C2CD3: variants seen among roughly 807,000 people sequenced by gnomAD.
The protein encoded by C2CD3 is C2 domain-containing protein 3.
In C2CD3, 148 loss-of-function variants were observed where a neutral mutation model predicts 234.0. The observed-to-expected ratio is 0.63, with a 90% CI of 0.55 to 0.72. The LOEUF (loss-of-function observed/expected upper bound fraction) is 0.72. Among genes scored for constraint, C2CD3 ranks in the 30% least tolerant of loss-of-function variants. The pLI, the probability that C2CD3 is intolerant of heterozygous loss-of-function variation, is 0.00. For missense variants in C2CD3, 2,577 were observed against 2,811.5 expected (o/e 0.92, Z 1.89); for synonymous variants, 1,000 against 1,035.4 (o/e 0.97, Z 0.66).
chr11:74,103,508 C>T lies in C2CD3; in HGVS notation c.2203G>A (p.Glu735Lys). 2.5e-6 allele frequency: 4 copies of T among 1,614,144 alleles called. No individual in the cohort carries two copies. Among genetic ancestry groups the T allele is most frequent in the East Asian group, 4.5e-5 (2 of 44,892 alleles). Reference sequence around the variant, plus strand: ...GTACAGGTCATATCTTGGTTAAGTTCTGGTAGTGCCTTATTTGGACTTGTA... The same window carrying T: ...GTACAGGTCATATCTTGGTTAAGTTTTGGTAGTGCCTTATTTGGACTTGTA... ...APTSPNKALP[E>K]LNQDMTCTKN... The change falls in exon 14 of 33, where the codon GAA (glutamate) becomes AAA (lysine). Residue 735 changes from glutamate to lysine, a missense_variant. By Grantham distance (56) the Glu-to-Lys change is moderately conservative (BLOSUM62 1). Transcript: ENST00000334126.
chr11:74,079,870 GAATATTATAT>G (rs1385976507), intron 22 of C2CD3, among the ~76,000 whole-genome samples: 1 of 151,958 alleles, frequency 6.6e-6, no homozygotes, highest in Non-Finnish European at 1.5e-5. Context: ...TACATAAACT[GAATATTATAT>G]AATATTATAT....
At chr11:74,158,803 ATC>A (rs1423327663) in intron 3 of C2CD3, among the ~76,000 whole-genome samples, 2 of 152,220 alleles carry the variant, frequency 1.3e-5, no homozygotes, top group African/African-American at 4.8e-5. Flanking sequence ...ACAATGAGAT[ATC>A]GTCTCACTCC....
Position 74,170,989 on chromosome 11 carries a change from C to G in C2CD3, c.-197G>C. On this transcript the variant is annotated 5_prime_UTR_variant, in exon 1 of 33. Coordinates refer to ENST00000334126, the MANE Select transcript of C2CD3 (RefSeq NM_001286577.2). Reference sequence around the variant, plus strand: ...AAGAGAAGGCGCCAAGACGCCTTCCCTCCAATACACTACAATACCCAGGAC... The same window carrying G: ...AAGAGAAGGCGCCAAGACGCCTTCCGTCCAATACACTACAATACCCAGGAC... The G allele has an allele frequency of 1.6e-6, 2 of 1,265,432 alleles. No homozygotes were observed. Among genetic ancestry groups the G allele is most frequent in the Non-Finnish European group, 2.2e-6 (2 of 916,634 alleles). 78.4% of individuals were successfully genotyped at this position (1,265,432 alleles called of 1,614,324 possible).
chr11:74,119,450 A>T (rs897529661), intron 8 of C2CD3, among the ~76,000 whole-genome samples: 9 of 152,116 alleles, frequency 5.9e-5, no homozygotes, highest in Non-Finnish European at 1.0e-4. Context: ...TTCCATTTTT[A>T]AAAAAAGACA....
intron 5 of C2CD3, among the ~76,000 whole-genome samples, chr11:74,136,163 T>G (rs1054109549): frequency 7.2e-5 from 11 of 152,182 alleles, no homozygotes; most frequent in African/African-American, 2.7e-4. Flanking sequence ...ACTTGATAAT[T>G]TAACCCCATC....
intron 3 of C2CD3, among the ~76,000 whole-genome samples, chr11:74,145,811 C>T (rs1855144175): frequency 1.3e-5 from 2 of 152,064 alleles, no homozygotes; most frequent in Admixed American, 6.6e-5. Context: ...AAGTCCTTTC[C>T]CCCAAATTTT....
In C2CD3 at chr11:74,164,077, T is replaced by C. The variant is rs1312829339; in HGVS notation, c.326-2521A>G. 5 of 537,474 alleles carry C rather than the reference T, an allele frequency of 9.3e-6. No individual in the cohort carries two copies. The South Asian group carries it at 3.3e-4, about 36-fold the overall frequency. The allele number at this position is 537,474 out of a possible 1,614,324, so 33.3% of individuals were successfully genotyped here. A position where few individuals can be genotyped will look rare whatever the true frequency, so the allele number is the denominator to read the frequency against. ...CAGTTCTATCCAATTATAAGTCCACTACACTTAATTATAAGTCCACTACAC... is the reference window on the plus strand; with the variant it reads ...CAGTTCTATCCAATTATAAGTCCACCACACTTAATTATAAGTCCACTACAC... On this transcript the variant is annotated intron_variant, in intron 2 of 32. Coordinates refer to ENST00000334126, the MANE Select transcript of C2CD3 (RefSeq NM_001286577.2).
chr11:74,074,252 C>A lies in C2CD3; in HGVS notation c.4951+1G>T, dbSNP rs863225151. On this transcript the variant is annotated splice_donor_variant, in intron 24 of 32. Transcript: ENST00000334126. LOFTEE classifies it high-confidence loss of function. Reference sequence around the variant, plus strand: ...CTCCTGGGTAGGTGAGGAGAGCATACCTTTCAAGCTCAAGTGCATTGCTCT... The same window carrying A: ...CTCCTGGGTAGGTGAGGAGAGCATAACTTTCAAGCTCAAGTGCATTGCTCT... 1.9e-6 allele frequency: 3 copies of A among 1,608,320 alleles called. No homozygotes were observed. Among genetic ancestry groups the A allele is most frequent in the South Asian group, 1.1e-5 (1 of 90,554 alleles).
intron 28 of C2CD3, among the ~76,000 whole-genome samples, chr11:74,043,509 A>AT (rs145799013): frequency 0.075 from 11,356 of 152,232 alleles, 1,378 homozygotes; most frequent in African/African-American, 0.26. Flanking sequence ...TAGAAGCAGA[A>AT]TTACTGGGTC....
At chr11:74,107,156 C>T (rs191772859) in intron 12 of C2CD3, among the ~76,000 whole-genome samples, 1 of 152,202 alleles carries the variant, frequency 6.6e-6, no homozygotes, top group East Asian at 1.9e-4. Context: ...ACCCCCGTCT[C>T]TACTAAAAAT....
intron 28 of C2CD3, among the ~76,000 whole-genome samples, chr11:74,046,944 A>G (rs1384637852): frequency 6.6e-6 from 1 of 152,234 alleles, no homozygotes; most frequent in Non-Finnish European, 1.5e-5. Flanking sequence ...TAATGTATAT[A>G]AAGTCCATAT....
At chr11:74,054,922 A>C (rs1035316564) in intron 25 of C2CD3, among the ~76,000 whole-genome samples, 4 of 152,168 alleles carry the variant, frequency 2.6e-5, no homozygotes, top group Non-Finnish European at 4.4e-5. Context: ...ACCACTCCCA[A>C]AGTTTCCCTA....
At chr11:74,119,927 C>T (rs890454187) in intron 8 of C2CD3, among the ~76,000 whole-genome samples, 1 of 152,030 alleles carries the variant, frequency 6.6e-6, no homozygotes, top group Non-Finnish European at 1.5e-5. Context: ...TGAGCCACCA[C>T]ACCACCACAA....
Position 74,049,342 on chromosome 11 carries a change from A to AT in C2CD3, c.5355dup (p.Ser1786IlefsTer15). Reference sequence around the variant, plus strand: ...ATGTGAATCTCCATACATACCAGTGATTTTGAGGTCTCCACTCCACGCCTT... The same window carrying AT: ...ATGTGAATCTCCATACATACCAGTGATTTTTGAGGTCTCCACTCCACGCCTT... On this transcript the variant is annotated frameshift_variant, in exon 27 of 33. Coordinates refer to ENST00000334126, the MANE Select transcript of C2CD3 (RefSeq NM_001286577.2). LOFTEE classifies it high-confidence loss of function. 6.2e-7 allele frequency: 1 copy of AT among 1,613,826 alleles called. No individual in the cohort carries two copies. The highest frequency in any genetic ancestry group is 8.5e-7 in the Non-Finnish European group (1 of 1,179,682).
chr11:74,028,467 C>CACTG (rs1952395364), intron 31 of C2CD3, 69 bp from the exon 32 acceptor site: 2 of 914,088 alleles, frequency 2.2e-6, no homozygotes, highest in Non-Finnish European at 3.3e-6. Flanking sequence ...CCAGCATCTC[C>CACTG]ACTGACCATT....
intron 3 of C2CD3, among the ~76,000 whole-genome samples, chr11:74,149,638 T>A (rs1486629429): frequency 1.3e-5 from 2 of 151,948 alleles, no homozygotes; most frequent in African/African-American, 4.8e-5. Context: ...AGCCTTAGCA[T>A]ATACTCCAAT....
intron 3 of C2CD3, among the ~76,000 whole-genome samples, chr11:74,160,789 T>C (rs1157587221): frequency 6.6e-6 from 1 of 152,200 alleles, no homozygotes; most frequent in Non-Finnish European, 1.5e-5. Context: ...ATGATGGATA[T>C]GCTAATTACC....
At chr11:74,028,205 G>A in intron 32 of C2CD3, 82 bp downstream of exon 32, 1 of 981,132 alleles carries the variant, frequency 1.0e-6, no homozygotes, top group Non-Finnish European at 1.5e-6. Flanking sequence ...AAGATGACCT[G>A]GGGCAGCTCT....
At chr11:74,021,134 C>T (rs1044172457) in intron 32 of C2CD3, among the ~76,000 whole-genome samples, 1 of 152,044 alleles carries the variant, frequency 6.6e-6, no homozygotes, top group Non-Finnish European at 1.5e-5. Context: ...AACTAGAGTC[C>T]CAGCTACTCA....
Sources: gnomAD v4.1 joint callset for allele counts (sites outside exome capture counted in the v4.1 genomes callset) on GRCh38, gnomAD v4.1.1 for gene constraint, MANE v1.5 for transcripts, NCBI Gene and HGNC (gene_info 2026-07-23, HGNC 2026-07-21) for gene names.